ARHGAP10: variants seen among roughly 807,000 people sequenced by gnomAD.
ARHGAP10 encodes the protein Rho GTPase activating protein 10, also known as rho GTPase-activating protein 10.
Under a neutral mutation model 108.6 loss-of-function variants are expected in ARHGAP10, and 87 were observed. The ratio of observed to expected loss-of-function variants is 0.80; its 90% confidence interval spans 0.67 to 0.96. The LOEUF (loss-of-function observed/expected upper bound fraction) is 0.96. ARHGAP10 is among the 40% of genes least tolerant of loss of function. The pLI is 0.00. For synonymous variants in ARHGAP10, 347 were observed against 341.1 expected (o/e 1.02, Z -0.19); for missense variants, 939 against 954.5 (o/e 0.98, Z 0.21).
At chr4:148,068,829 A>G (rs1485674280) in intron 22 of ARHGAP10, among the ~76,000 whole-genome samples, 1 of 152,104 alleles carries the variant, frequency 6.6e-6, no homozygotes, top group East Asian at 1.9e-4. Flanking sequence ...TACACTGTCT[A>G]CATTATGCTG....
chr4:147,785,484 T>C (rs908274521), intron 1 of ARHGAP10, among the ~76,000 whole-genome samples: 1 of 152,160 alleles, frequency 6.6e-6, no homozygotes, highest in African/African-American at 2.4e-5. Context: ...GCAAAGATAA[T>C]GTTTATGATA....
At chr4:147,745,929 G>A (rs977877418) in intron 1 of ARHGAP10, among the ~76,000 whole-genome samples, 6 of 151,224 alleles carry the variant, frequency 4.0e-5, no homozygotes, top group Non-Finnish European at 5.9e-5. Flanking sequence ...TGGGATTACC[G>A]GTGTGCACCA....
intron 10 of ARHGAP10, among the ~76,000 whole-genome samples, chr4:147,886,959 G>T (rs571285809): frequency 6.6e-6 from 1 of 151,806 alleles, no homozygotes; most frequent in East Asian, 1.9e-4. Flanking sequence ...TTAGTAGACG[G>T]AGTTTCAGTT....
At chr4:147,782,972 TTA>T (rs1418547206) in intron 1 of ARHGAP10, among the ~76,000 whole-genome samples, 1 of 140,734 alleles carries the variant, frequency 7.1e-6, no homozygotes, top group Non-Finnish European at 1.5e-5. Flanking sequence ...ATATATTAAA[TTA>T]TATATTATAT....
chr4:147,906,599 G>A (rs1177908794), intron 10 of ARHGAP10, 39 bp from the exon 11 acceptor site: 1 of 1,602,160 alleles, frequency 6.2e-7, no homozygotes, highest in South Asian at 1.1e-5. Context: ...GCCTTTTAGT[G>A]GCCAAGGGGT....
chr4:147,777,263 T>C (rs1434034356), intron 1 of ARHGAP10, among the ~76,000 whole-genome samples: 1 of 139,200 alleles, frequency 7.2e-6, no homozygotes, highest in African/African-American at 2.6e-5. Context: ...TGTGATTTTC[T>C]TTTTTTTTTT....
intron 3 of ARHGAP10, 140 bp from the exon 4 acceptor site, chr4:147,847,011 T>A (rs1733663464): frequency 1.6e-6 from 1 of 615,884 alleles, no homozygotes; most frequent in East Asian, 2.8e-5. Context: ...GATTTAATTG[T>A]TGCATTGGCA....
intron 1 of ARHGAP10, among the ~76,000 whole-genome samples, chr4:147,739,152 A>C (rs1560732434): frequency 6.7e-6 from 1 of 148,346 alleles, no homozygotes; most frequent in Non-Finnish European, 1.5e-5. Context: ...ACGCCATTGC[A>C]CTCCAGCCTG....
At chr4:147,814,689 G>A (rs1408416282) in intron 1 of ARHGAP10, among the ~76,000 whole-genome samples, 10 of 152,104 alleles carry the variant, frequency 6.6e-5, no homozygotes, top group Admixed American at 6.6e-5. Context: ...GTCATTGAGC[G>A]TAACTTCCAT....
intron 13 of ARHGAP10, among the ~76,000 whole-genome samples, chr4:147,918,322 A>G (rs577239909): frequency 1.7e-3 from 257 of 152,044 alleles, no homozygotes; most frequent in African/African-American, 6.1e-3. Context: ...TTTTTAGTAG[A>G]GACAGGGTTT....
At chr4:148,017,330 A>G (rs1232170209) in intron 18 of ARHGAP10, among the ~76,000 whole-genome samples, 1 of 152,170 alleles carries the variant, frequency 6.6e-6, no homozygotes, top group East Asian at 1.9e-4. Context: ...AGATTCCAAA[A>G]TAAAATCTCT....
At chr4:147,804,653 AT>A (rs1731711391) in intron 1 of ARHGAP10, among the ~76,000 whole-genome samples, 1 of 151,892 alleles carries the variant, frequency 6.6e-6, no homozygotes, top group African/African-American at 2.4e-5. Flanking sequence ...AGCATTTGTT[AT>A]TTTTTGACTT....
At chr4:147,921,289 A>G (rs1405931141) in intron 13 of ARHGAP10, among the ~76,000 whole-genome samples, 1 of 152,232 alleles carries the variant, frequency 6.6e-6, no homozygotes, top group East Asian at 1.9e-4. Context: ...TGAGAGGTCC[A>G]TGATCTCATA....
chr4:147,922,427 C>T lies in ARHGAP10; in HGVS notation c.1228+9288C>T, dbSNP rs199688188. 4.5e-4 allele frequency among the ~76,000 whole-genome samples: 69 copies of T among 151,670 alleles called. No individual in the cohort carries two copies. The East Asian group carries it at 0.013, about 29-fold the overall frequency. On this transcript the variant is annotated intron_variant, in intron 13 of 22. Coordinates refer to ENST00000336498, the MANE Select transcript of ARHGAP10 (RefSeq NM_024605.4). ...AAAGTTGGCCGGGCGCGGTGGCTCA[C>T]GCCTGTAATCCCAGCACTTTGGGAG...
intron 13 of ARHGAP10, chr4:147,916,459 A>G (rs1736986888): frequency 6.6e-6 from 1 of 152,238 alleles, no homozygotes; most frequent in African/African-American, 2.4e-5. Context: ...CATGGGTTGC[A>G]CCAACCGGAA....
chr4:147,844,500 T>TG (rs1165946610), intron 3 of ARHGAP10, among the ~76,000 whole-genome samples: 1 of 152,202 alleles, frequency 6.6e-6, no homozygotes, highest in African/African-American at 2.4e-5. Flanking sequence ...TCCCAGCTTC[T>TG]GGTAACAACC....
At position 147,955,316 on chromosome 4, in the gene ARHGAP10, G is replaced by C; in HGVS notation, c.1392G>C (p.Arg464Ser). ...TITSALKQYL[R>S]SLPEPLMTYE... ...ATTCTGAGCTGTTCTTTTCACACAG[G>C]AGTCTTCCAGAGCCTCTCATGACCT... The change falls in exon 16 of 23, where the codon AGG becomes AGC. Residue 464 changes from arginine (R) to serine (S), a missense_variant and splice_region_variant. Arg to Ser is a moderately radical substitution (Grantham distance 110). Coordinates refer to ENST00000336498, the MANE Select transcript of ARHGAP10 (RefSeq NM_024605.4). The C allele has an allele frequency of 6.2e-7, 1 of 1,609,978 alleles. No individual in the cohort carries two copies.
chr4:147,812,608 T>A (rs1391352019), intron 1 of ARHGAP10, among the ~76,000 whole-genome samples: 1 of 152,172 alleles, frequency 6.6e-6, no homozygotes, highest in Non-Finnish European at 1.5e-5. Flanking sequence ...GCTTCTTTCT[T>A]CTCTTCTAAT....
intron 18 of ARHGAP10, among the ~76,000 whole-genome samples, chr4:148,001,489 A>G (rs1270975523): frequency 6.6e-6 from 1 of 152,270 alleles, no homozygotes; most frequent in African/African-American, 2.4e-5. Flanking sequence ...CATTGAATCT[A>G]TAAATTACCT....
Sources: allele counts gnomAD v4.1 joint callset (sites outside exome capture counted in the v4.1 genomes callset), GRCh38; gene constraint gnomAD v4.1.1; transcripts MANE v1.5; gene names NCBI Gene and HGNC (gene_info 2026-07-23, HGNC 2026-07-21).